Variants in PPP2R5E observed in about 807,000 individuals in gnomAD.
PPP2R5E encodes serine/threonine-protein phosphatase 2A 56 kDa regulatory subunit epsilon isoform.
In PPP2R5E, 4 loss-of-function variants were observed where a neutral mutation model predicts 65.3. That is an observed-to-expected ratio of 0.06 (90% CI 0.03 to 0.14). PPP2R5E has a LOEUF of 0.14. PPP2R5E is among the 10% of genes least tolerant of loss of function. The probability of loss-of-function intolerance (pLI) is 1.00; values close to 1 mark genes in which losing one functional copy is unlikely to be tolerated. For missense variants in PPP2R5E, 274 were observed against 556.1 expected, an observed-to-expected ratio of 0.49 and a Z score of 5.10; for synonymous variants, 183 against 187.4, an observed-to-expected ratio of 0.98 and a Z score of 0.19.
rs1885257141 is a variant in PPP2R5E at position 63,395,302 on chromosome 14, A to C, written c.681-17T>G. 1 of 1,569,526 alleles carries C rather than the reference A, an allele frequency of 6.4e-7. No individual in the cohort carries two copies. Among genetic ancestry groups the C allele is most frequent in the Non-Finnish European group, 8.7e-7 (1 of 1,144,432 alleles). ...TAAACAAACCTGAGAGAAGAGGAGA[A>C]AAGGGAGGAGAAAGGAGGAGAGGAG... On this transcript the variant is annotated splice_polypyrimidine_tract_variant and intron_variant, in intron 6 of 13. Transcript: ENST00000337537.
intron 2 of PPP2R5E, among the ~76,000 whole-genome samples, chr14:63,462,075 T>A (rs57080170): frequency 4.7e-4 from 34 of 72,718 alleles, no homozygotes; most frequent in East Asian, 1.2e-3. Flanking sequence ...TCAACTGTAT[T>A]TTTTTTTTTT....
chr14:63,507,575 CTTTTTTT>C (rs756154248), intron 2 of PPP2R5E, among the ~76,000 whole-genome samples: 16 of 105,512 alleles, frequency 1.5e-4, no homozygotes, highest in East Asian at 1.3e-3. Flanking sequence ...GGGTAATTCT[CTTTTTTT>C]TTTTTTTTTT....
Position 63,440,948 on chromosome 14 carries a change from CAA to C in PPP2R5E, c.354+12739_354+12740del, listed in dbSNP as rs374563795. The stretch of plus-strand genomic sequence containing the variant: ...TGGGCAACAGAGCGAGACTCCATCT[CAA>C]AAAAAAAAAAAAAAAAAGAGTATGG... On this transcript the variant is annotated intron_variant, in intron 3 of 13. Coordinates refer to ENST00000337537, the MANE Select transcript of PPP2R5E (RefSeq NM_006246.5). 9.6e-3 allele frequency among the ~76,000 whole-genome samples: 650 copies of C among 67,600 alleles called. 9 individuals are homozygous for C. The highest frequency in any genetic ancestry group is 0.03 in the African/African-American group (570 of 18,906). The allele number at this position is 67,600 out of a possible 152,430, so 44.3% of individuals were successfully genotyped here. A position where few individuals can be genotyped will look rare whatever the true frequency, so the allele number is the denominator to read the frequency against.
chr14:63,432,090 T>C (rs1887706077), intron 3 of PPP2R5E, among the ~76,000 whole-genome samples: 1 of 151,646 alleles, frequency 6.6e-6, no homozygotes, highest in Admixed American at 6.6e-5. Context: ...AATTTTTAAA[T>C]ATAGCCAATA....
At chr14:63,540,130 TAAA>T (rs749576391) in intron 1 of PPP2R5E, among the ~76,000 whole-genome samples, 5 of 117,076 alleles carry the variant, frequency 4.3e-5, no homozygotes, top group Non-Finnish European at 3.6e-5. Context: ...TTCCGTCCTT[TAAA>T]AAAAAAAAAA....
intron 1 of PPP2R5E, among the ~76,000 whole-genome samples, 152 bp downstream of exon 1, chr14:63,542,627 G>A (rs1280098908): frequency 2.0e-5 from 3 of 152,206 alleles, no homozygotes; most frequent in Non-Finnish European, 4.4e-5. Flanking sequence ...TCAGACAAGT[G>A]GGACGGGCGC....
intron 2 of PPP2R5E, among the ~76,000 whole-genome samples, chr14:63,515,602 C>T (rs1892639631): frequency 6.6e-6 from 1 of 151,788 alleles, no homozygotes; most frequent in South Asian, 2.1e-4. Context: ...CTCACTGCAA[C>T]CTCCGCCTCC....
rs76609159 is a variant in PPP2R5E, at chr14:63,467,442, C to T, written c.158-13557G>A. 2.3e-3 allele frequency among the ~76,000 whole-genome samples: 356 copies of T among 152,118 alleles called. 1 individual carries two copies. Among genetic ancestry groups the T allele is most frequent in the African/African-American group, 7.4e-3 (309 of 41,488 alleles). ...TACTGTAACCCAGAGTTTAGCTAAACATGCCATGGGGTAGTACAAACATTT... is the reference window on the plus strand; with the variant it reads ...TACTGTAACCCAGAGTTTAGCTAAATATGCCATGGGGTAGTACAAACATTT... On this transcript the variant is annotated intron_variant, in intron 2 of 13. Transcript: ENST00000337537.
intron 4 of PPP2R5E, among the ~76,000 whole-genome samples, chr14:63,416,708 GA>G (rs981666049): frequency 4.2e-5 from 6 of 143,826 alleles, no homozygotes; most frequent in East Asian, 2.0e-4. Context: ...TTATGTTCCT[GA>G]AAAAAAAAGA....
intron 13 of PPP2R5E, 126 bp downstream of exon 13, chr14:63,381,930 A>G: frequency 1.5e-6 from 1 of 645,362 alleles, no homozygotes; most frequent in Non-Finnish European, 2.7e-6. Context: ...GTTGTTAAGT[A>G]ATGCATGACT....
At chr14:63,430,377 G>GCATACATGCATACATACATA (rs1887587932) in intron 3 of PPP2R5E, among the ~76,000 whole-genome samples, 1 of 136,950 alleles carries the variant, frequency 7.3e-6, no homozygotes, top group Non-Finnish European at 1.5e-5. Context: ...ATACATGCAT[G>GCATACATGCATACATACATA]CATACATACA....
Position 63,518,857 on chromosome 14 carries a change from T to C in PPP2R5E, c.157+20672A>G, listed in dbSNP as rs577425875. On this transcript the variant is annotated intron_variant, in intron 2 of 13. Transcript: ENST00000337537. ...GGCTGCTCTGCCTACAGAGTAGCCA[T>C]TCTTTTATTCCTTTACTTTCTTAAT... 9.9e-5 allele frequency among the ~76,000 whole-genome samples: 15 copies of C among 152,276 alleles called. No homozygotes were observed. The East Asian group carries it at 1.5e-3, about 16-fold the overall frequency.
chr14:63,412,136 A>G, intron 5 of PPP2R5E, among the ~76,000 whole-genome samples: 1 of 152,230 alleles, frequency 6.6e-6, no homozygotes, highest in East Asian at 1.9e-4. Context: ...CAAGTACTAC[A>G]CTTAGATAAA....
At chr14:63,497,071 T>C (rs372039305) in intron 2 of PPP2R5E, among the ~76,000 whole-genome samples, 5 of 152,104 alleles carry the variant, frequency 3.3e-5, no homozygotes, top group Admixed American at 6.5e-5. Flanking sequence ...ACATTCTAAA[T>C]TGCTAAAAAT....
Position 63,393,862 on chromosome 14 carries a change from G to C in PPP2R5E, c.807C>G (p.Ile269Met), listed in dbSNP as rs1237782576. 2.5e-6 allele frequency: 4 copies of C among 1,611,272 alleles called. No individual in the cohort carries two copies. Among genetic ancestry groups the C allele is most frequent in the Admixed American group, 1.7e-5 (1 of 60,024 alleles). The stretch of plus-strand genomic sequence containing the variant: ...ATAAGCTCCTGACAGTGTGTAAAGG[G>C]ATCAATACTTTCACCAGAAACTGTT... ...EHKQFLVKVL[I>M]PLHTVRSLSL... The change falls in exon 8 of 14, where the codon ATC becomes ATG. Residue 269 changes from isoleucine (I) to methionine (M), a missense_variant. Ile to Met is a conservative substitution (Grantham distance 10). Transcript: ENST00000337537.
intron 3 of PPP2R5E, among the ~76,000 whole-genome samples, chr14:63,437,698 AG>A (rs1473108104): frequency 1.3e-5 from 2 of 152,210 alleles, no homozygotes; most frequent in African/African-American, 4.8e-5. Context: ...AGTATTTCAA[AG>A]TAGCCCATTT....
At chr14:63,408,260 T>C (rs1196928443) in intron 5 of PPP2R5E, among the ~76,000 whole-genome samples, 4 of 152,218 alleles carry the variant, frequency 2.6e-5, no homozygotes, top group African/African-American at 9.7e-5. Flanking sequence ...ATAACCTTTG[T>C]ATATATATCT....
chr14:63,420,546 C>T (rs529298634), intron 4 of PPP2R5E, among the ~76,000 whole-genome samples: 25 of 152,220 alleles, frequency 1.6e-4, no homozygotes, highest in African/African-American at 4.1e-4. Flanking sequence ...ATGCATAACA[C>T]GCCTGAGTAA....
At chr14:63,530,619 ACT>A in intron 2 of PPP2R5E, among the ~76,000 whole-genome samples, 1 of 135,026 alleles carries the variant, frequency 7.4e-6, no homozygotes, top group South Asian at 2.3e-4. Flanking sequence ...AGGTACACTG[ACT>A]CTCAATTTCT....
Sources: gnomAD v4.1 joint callset for allele counts (sites outside exome capture counted in the v4.1 genomes callset) on GRCh38, gnomAD v4.1.1 for gene constraint, MANE v1.5 for transcripts, NCBI Gene and HGNC (gene_info 2026-07-23, HGNC 2026-07-21) for gene names.